Variants in RALGPS1 observed in about 807,000 individuals in gnomAD.
RALGPS1 encodes the protein ras-specific guanine nucleotide-releasing factor RalGPS1.
In RALGPS1, 19 loss-of-function variants were observed where a neutral mutation model predicts 78.8. That is an observed-to-expected ratio of 0.24 (90% confidence interval 0.17 to 0.35). RALGPS1 has a LOEUF of 0.35. Ranked by LOEUF, RALGPS1 falls within the 10% of genes least tolerant of loss-of-function variation. RALGPS1 has a pLI of 1.00. For missense variants in RALGPS1, 454 were observed against 688.3 expected, an observed-to-expected ratio of 0.66 and a Z score of 3.81; for synonymous variants, 228 against 256.3, an observed-to-expected ratio of 0.89 and a Z score of 1.06.
intron 8 of RALGPS1, among the ~76,000 whole-genome samples, chr9:127,079,359 A>T (rs1489795650): frequency 6.6e-6 from 1 of 152,220 alleles, no homozygotes; most frequent in African/African-American, 2.4e-5. Flanking sequence ...ACCAACCTGG[A>T]GCCATTGGGA....
rs772712429 is a variant in RALGPS1, at chr9:127,184,283, G to A, written c.910+9501G>A. 1.2e-4 allele frequency: 54 copies of A among 440,548 alleles called. 1 individual carries two copies. The highest frequency in any genetic ancestry group is 3.3e-4 in the East Asian group (7 of 20,928). The allele number at this position is 440,548 out of a possible 1,614,324, so 27.3% of individuals were successfully genotyped here. A position where few individuals can be genotyped will look rare whatever the true frequency, so the allele number is the denominator to read the frequency against. ...TACAGTGAGCCGTGATCGCGCCACC[G>A]CGCTCCAGCTTGGGTGACAGAGCAA... On this transcript the variant is annotated intron_variant, in intron 11 of 18. Coordinates refer to ENST00000259351, the MANE Select transcript of RALGPS1 (RefSeq NM_014636.3).
intron 7 of RALGPS1, among the ~76,000 whole-genome samples, chr9:127,057,848 C>G (rs2048872459): frequency 1.3e-5 from 2 of 152,134 alleles, no homozygotes; most frequent in South Asian, 2.1e-4. Flanking sequence ...CTGGCTGGCA[C>G]AAGAAGTGAT....
At chr9:126,945,326 G>A (rs1392172622) in intron 1 of RALGPS1, among the ~76,000 whole-genome samples, 1 of 151,986 alleles carries the variant, frequency 6.6e-6, no homozygotes, top group Non-Finnish European at 1.5e-5. Context: ...AGCCTCCCGA[G>A]TAGCTGGGAT....
chr9:127,204,030 T>G (rs2061795126), intron 14 of RALGPS1, among the ~76,000 whole-genome samples: 1 of 152,174 alleles, frequency 6.6e-6, no homozygotes, highest in African/African-American at 2.4e-5. Context: ...GACCTGAAGT[T>G]AGGACCACTG....
intron 8 of RALGPS1, among the ~76,000 whole-genome samples, chr9:127,145,458 C>G (rs1206539845): frequency 1.3e-5 from 2 of 152,146 alleles, no homozygotes; most frequent in Non-Finnish European, 2.9e-5. Flanking sequence ...ATCTGCTACC[C>G]TTATGTTTTC....
chr9:127,031,479 A>G (rs1051358836), intron 4 of RALGPS1, among the ~76,000 whole-genome samples: 1 of 152,220 alleles, frequency 6.6e-6, no homozygotes, highest in Non-Finnish European at 1.5e-5. Context: ...TCATTCATTA[A>G]CAGAGGCTGC....
intron 4 of RALGPS1, among the ~76,000 whole-genome samples, chr9:126,981,761 C>T (rs1275969255): frequency 6.6e-6 from 1 of 152,106 alleles, no homozygotes; most frequent in Non-Finnish European, 1.5e-5. Flanking sequence ...CTGTATTAGT[C>T]CTCTGTTGCT....
intron 11 of RALGPS1, chr9:127,184,305 G>A: frequency 5.3e-6 from 2 of 377,140 alleles, no homozygotes; most frequent in Non-Finnish European, 5.0e-6. Flanking sequence ...GGGTGACAGA[G>A]CAAGACCTTG....
chr9:127,194,224 G>C (rs890898683), intron 11 of RALGPS1, among the ~76,000 whole-genome samples: 7 of 152,218 alleles, frequency 4.6e-5, no homozygotes, highest in Admixed American at 6.5e-5. Flanking sequence ...CCACTTTTCA[G>C]ATGAGGAAAC....
intron 10 of RALGPS1, among the ~76,000 whole-genome samples, chr9:127,173,092 TG>T (rs2059648817): frequency 6.6e-6 from 1 of 152,242 alleles, no homozygotes; most frequent in Non-Finnish European, 1.5e-5. Flanking sequence ...CTGTAGCCTG[TG>T]GGAGTAGAAG....
intron 4 of RALGPS1, among the ~76,000 whole-genome samples, chr9:127,010,569 T>C (rs750872542): frequency 1.3e-5 from 2 of 152,212 alleles, no homozygotes; most frequent in Admixed American, 6.5e-5. Flanking sequence ...TGTCCTAATA[T>C]GTCATTTGCC....
intron 11 of RALGPS1, among the ~76,000 whole-genome samples, chr9:127,177,105 A>G (rs1435544151): frequency 6.6e-6 from 1 of 151,526 alleles, no homozygotes. Flanking sequence ...TCCTTGTTGG[A>G]TCTTTAGCAC....
At chr9:126,920,272 ACTT>A (rs1156257687) in intron 1 of RALGPS1, among the ~76,000 whole-genome samples, 1 of 151,916 alleles carries the variant, frequency 6.6e-6, no homozygotes, top group African/African-American at 2.4e-5. Context: ...TCTGGACTCT[ACTT>A]CTTCACTCCC....
rs1204075868 is a variant in RALGPS1 at position 127,069,302 on chromosome 9, C to T, written c.556C>T (p.Arg186Trp). ...YLMSKEDNYK[R>W]TREYIRSLKM... is the part of the protein sequence containing the mutation. Reference sequence around the variant, plus strand: ...GATGTCGAAAGAAGATAATTACAAGCGGACACGGGAATATATCCGAAGCCT... The same window carrying T: ...GATGTCGAAAGAAGATAATTACAAGTGGACACGGGAATATATCCGAAGCCT... The change falls in exon 8 of 19, where the codon CGG becomes TGG. Residue 186 changes from arginine to tryptophan, a missense_variant. By Grantham distance (101) the Arg-to-Trp change is moderately radical (BLOSUM62 -3). Coordinates refer to ENST00000259351, the MANE Select transcript of RALGPS1 (RefSeq NM_014636.3). 1.9e-6 allele frequency: 3 copies of T among 1,613,740 alleles called. No homozygotes were observed. The highest frequency in any genetic ancestry group is 2.5e-6 in the Non-Finnish European group (3 of 1,179,666).
At chr9:126,939,449 C>T (rs146715394) in intron 1 of RALGPS1, among the ~76,000 whole-genome samples, 87 of 152,344 alleles carry the variant, frequency 5.7e-4, no homozygotes, top group African/African-American at 2.0e-3. Flanking sequence ...ACACTTATTG[C>T]ACAGAGATGG....
rs2056194776 is a variant in RALGPS1 at position 127,122,285 on chromosome 9, CCTCT to C, written c.611-43782_611-43779del. ...GGCCAGCGGCTGCCTCTCGCCCCTG[CCTCT>C]CATGGCCGCAGAGCTGGCCCCTTAC... On this transcript the variant is annotated intron_variant, in intron 8 of 18. Transcript: ENST00000259351. This position sits in a 1 kb window ranked among gnomAD's most constrained non-coding sequence, Gnocchi z 6.4. 6.6e-6 allele frequency: 1 copy of C among 152,374 alleles called. No individual in the cohort carries two copies. Among genetic ancestry groups the C allele is most frequent in the Admixed American group, 6.5e-5 (1 of 15,288 alleles). The allele number at this position is 152,374 out of a possible 1,614,324, so 9.4% of individuals were successfully genotyped here.
Position 127,076,207 on chromosome 9 carries a change from G to A in RALGPS1, c.610+6851G>A, listed in dbSNP as rs188613697. Among the ~76,000 whole-genome samples the A allele has an allele frequency of 3.3e-5, 5 of 152,326 alleles. No homozygotes were observed. The East Asian group carries it at 9.6e-4, about 29-fold the overall frequency. ...ATAACAAAAGCAAGCAAAGAGCTTT[G>A]AAGAATGTCTACATCATTTGCTTAT... On this transcript the variant is annotated intron_variant, in intron 8 of 18. Transcript: ENST00000259351.
intron 8 of RALGPS1, among the ~76,000 whole-genome samples, chr9:127,151,203 A>G (rs1236836852): frequency 1.3e-5 from 2 of 152,022 alleles, no homozygotes; most frequent in African/African-American, 4.8e-5. Flanking sequence ...GAGAGAAAAA[A>G]AGAGTGAATT....
intron 7 of RALGPS1, among the ~76,000 whole-genome samples, chr9:127,060,636 T>G (rs574185337): frequency 6.6e-6 from 1 of 152,298 alleles, no homozygotes; most frequent in Non-Finnish European, 1.5e-5. Context: ...TGGCCTGAAC[T>G]GTCATCCTCT....
Sources: allele counts gnomAD v4.1 joint callset (sites outside exome capture counted in the v4.1 genomes callset), GRCh38; gene constraint gnomAD v4.1.1; non-coding constraint Gnocchi (gnomAD v3.1); transcripts MANE v1.5; gene names NCBI Gene and HGNC (gene_info 2026-07-23, HGNC 2026-07-21).